METTL15: variants seen among roughly 807,000 people sequenced by gnomAD.
METTL15 encodes methyltransferase 15, mitochondrial 12S rRNA N4-cytidine.
In METTL15, 34 loss-of-function variants were observed where a neutral mutation model predicts 38.3. That is an observed-to-expected ratio of 0.89 (90% CI 0.68 to 1.18). METTL15 has a LOEUF of 1.18. Among genes scored for constraint, METTL15 ranks in the 50% most tolerant of loss-of-function variants. The probability of loss-of-function intolerance (pLI) is 0.00; values close to 1 mark genes in which losing one functional copy is unlikely to be tolerated. For synonymous variants in METTL15, 162 were observed against 170.9 expected (o/e 0.95, Z 0.41); for missense variants, 438 against 498.4 (o/e 0.88, Z 1.15).
downstream of METTL15, among the ~76,000 whole-genome samples, chr11:28,531,404 T>C (rs565981012): frequency 6.6e-6 from 1 of 152,160 alleles, no homozygotes; most frequent in African/African-American, 2.4e-5. Context: ...CTCACGTGCC[T>C]AGGTTTAGTA....
At chr11:28,376,693 C>A (rs567862323) in intron 5 of METTL15, among the ~76,000 whole-genome samples, 4 of 150,988 alleles carry the variant, frequency 2.6e-5, no homozygotes, top group African/African-American at 9.7e-5. Context: ...TGAATTTGAT[C>A]CTGTCATTAT....
intron 4 of METTL15, among the ~76,000 whole-genome samples, chr11:28,276,447 C>T (rs1390434929): frequency 6.6e-6 from 1 of 152,036 alleles, no homozygotes; most frequent in East Asian, 1.9e-4. Context: ...TTGAAGATGA[C>T]ACAAATTGAT....
intron 6 of METTL15, among the ~76,000 whole-genome samples, chr11:28,298,366 A>G (rs1359025803): frequency 1.3e-5 from 2 of 152,098 alleles, no homozygotes; most frequent in African/African-American, 4.8e-5. Flanking sequence ...GGTGCTGAAA[A>G]TGAGGTGTTG....
chr11:28,239,674 T>TAA (rs1854202800), intron 4 of METTL15, among the ~76,000 whole-genome samples: 1 of 152,202 alleles, frequency 6.6e-6, no homozygotes, highest in Admixed American at 6.5e-5. Flanking sequence ...TGCTGTTCTT[T>TAA]AAGTACACCT....
chr11:28,410,671 A>C (rs1002700377), intron 5 of METTL15: 4 of 152,166 alleles, frequency 2.6e-5, no homozygotes, highest in African/African-American at 9.6e-5. Flanking sequence ...CATGATAATC[A>C]ACAGGGAAAA....
At chr11:28,150,451 C>CT (rs1850041165) in intron 3 of METTL15, among the ~76,000 whole-genome samples, 2 of 151,770 alleles carry the variant, frequency 1.3e-5, no homozygotes, top group South Asian at 4.2e-4. Context: ...AACACACAAA[C>CT]TAACATTTAT....
intron 3 of METTL15, among the ~76,000 whole-genome samples, chr11:28,116,908 C>T (rs369981044): frequency 1.8e-4 from 27 of 152,146 alleles, no homozygotes; most frequent in East Asian, 1.4e-3. Flanking sequence ...GTAGCTGGTC[C>T]TATGGGTGTG....
At chr11:28,413,334 T>A (rs1182447208) in intron 5 of METTL15, among the ~76,000 whole-genome samples, 1 of 152,134 alleles carries the variant, frequency 6.6e-6, no homozygotes, top group Non-Finnish European at 1.5e-5. Context: ...TGTTTAAAAT[T>A]CCTTTTTACA....
intron 5 of METTL15, among the ~76,000 whole-genome samples, chr11:28,396,149 C>T (rs193170375): frequency 6.6e-6 from 1 of 152,246 alleles, no homozygotes; most frequent in Admixed American, 6.5e-5. Context: ...ACTGAATGGG[C>T]AAAAACTGGA....
At chr11:28,135,874 C>T (rs751729372) in intron 3 of METTL15, among the ~76,000 whole-genome samples, 7 of 152,122 alleles carry the variant, frequency 4.6e-5, no homozygotes, top group Non-Finnish European at 8.8e-5. Context: ...ATTTTAAGCA[C>T]AAAAGGTTAA....
At chr11:28,113,076 G>A (rs1851782471) in intron 2 of METTL15, among the ~76,000 whole-genome samples, 1 of 152,036 alleles carries the variant, frequency 6.6e-6, no homozygotes, top group Non-Finnish European at 1.5e-5. Context: ...ATATTAGAAT[G>A]TATTAGGCTA....
intron 5 of METTL15, among the ~76,000 whole-genome samples, chr11:28,393,606 TAC>T (rs1850535433): frequency 6.6e-6 from 1 of 152,098 alleles, no homozygotes; most frequent in Admixed American, 6.6e-5. Context: ...TACCTGGGCC[TAC>T]ACACAGGGTT....
At chr11:28,177,167 A>G (rs1851107842) in intron 3 of METTL15, among the ~76,000 whole-genome samples, 1 of 152,034 alleles carries the variant, frequency 6.6e-6, no homozygotes, top group Non-Finnish European at 1.5e-5. Context: ...GAAAGAATAT[A>G]TATATTTGAA....
intron 6 of METTL15, among the ~76,000 whole-genome samples, chr11:28,327,383 C>T (rs1565258201): frequency 6.6e-6 from 1 of 152,220 alleles, no homozygotes; most frequent in African/African-American, 2.4e-5. Context: ...TTCTGCATGA[C>T]TTTATGACAT....
chr11:28,163,554 T>C (rs1850549021), intron 3 of METTL15: 1 of 375,058 alleles, frequency 2.7e-6, no homozygotes, highest in Admixed American at 4.6e-5. Flanking sequence ...TCTCTCTCTG[T>C]GTGTGTGTGT....
chr11:28,393,549 G>T (rs1182134606), intron 5 of METTL15, among the ~76,000 whole-genome samples: 3 of 152,040 alleles, frequency 2.0e-5, no homozygotes, highest in Admixed American at 6.6e-5. Flanking sequence ...ATGATAAAAT[G>T]ACCCGTGGCT....
At chr11:28,525,910 C>G (rs1193918986) in intron 6 of METTL15, among the ~76,000 whole-genome samples, 1 of 152,358 alleles carries the variant, frequency 6.6e-6, no homozygotes, top group East Asian at 1.9e-4. Context: ...TGGGGAGTCT[C>G]AGGCATGGTG....
At chr11:28,155,676 T>G (rs1007461246) in intron 3 of METTL15, among the ~76,000 whole-genome samples, 3 of 152,130 alleles carry the variant, frequency 2.0e-5, no homozygotes, top group Non-Finnish European at 4.4e-5. Flanking sequence ...AGAGGTTAGA[T>G]CTTGGATAAA....
intron 3 of METTL15, among the ~76,000 whole-genome samples, chr11:28,205,430 A>G (rs538335107): frequency 6.6e-6 from 1 of 152,284 alleles, no homozygotes; most frequent in African/African-American, 2.4e-5. Flanking sequence ...TACAAAGGAC[A>G]TGAACTCATC....
Sources: allele counts gnomAD v4.1 joint callset (sites outside exome capture counted in the v4.1 genomes callset), GRCh38; gene constraint gnomAD v4.1.1; transcripts MANE v1.5; gene names NCBI Gene and HGNC (gene_info 2026-07-23, HGNC 2026-07-21).